The following PKHD1 variants were observed in gnomAD, a reference collection of about 807,000 sequenced individuals.
PKHD1 encodes PKHD1 ciliary IPT domain containing fibrocystin/polyductin.
Under a neutral mutation model 412.0 loss-of-function variants are expected in PKHD1, and 291 were observed. The observed-to-expected ratio is 0.71, with a 90% CI of 0.64 to 0.78. The LOEUF (loss-of-function observed/expected upper bound fraction) is 0.78. PKHD1 is among the 30% of genes least tolerant of loss of function. The pLI, the probability that PKHD1 is intolerant of heterozygous loss-of-function variation, is 0.00. For missense variants in PKHD1, 4,825 were observed against 4,950.7 expected (o/e 0.97, Z 0.76); for synonymous variants, 1,777 against 1,821.5 (o/e 0.98, Z 0.62).
chr6:51,695,606 T>C (rs1391862886), intron 60 of PKHD1, among the ~76,000 whole-genome samples: 1 of 152,186 alleles, frequency 6.6e-6, no homozygotes, highest in African/African-American at 2.4e-5. Flanking sequence ...TGAAGCAGTG[T>C]TGTGTTTACC....
chr6:51,757,694 T>C (rs968038790), intron 55 of PKHD1, among the ~76,000 whole-genome samples: 1 of 152,132 alleles, frequency 6.6e-6, no homozygotes, highest in Non-Finnish European at 1.5e-5. Flanking sequence ...TGTTCATTGA[T>C]ATTTAATAAA....
At chr6:52,019,921 T>C (rs935005901) in intron 33 of PKHD1, among the ~76,000 whole-genome samples, 3 of 152,190 alleles carry the variant, frequency 2.0e-5, no homozygotes, top group African/African-American at 7.2e-5. Flanking sequence ...AGCACATTTG[T>C]AGAGCCCCCT....
chr6:51,994,203 C>G (rs1210800849), intron 35 of PKHD1, among the ~76,000 whole-genome samples: 1 of 151,154 alleles, frequency 6.6e-6, no homozygotes, highest in Non-Finnish European at 1.5e-5. Flanking sequence ...GGCACTATCT[C>G]GGCTCACTGC....
At chr6:51,763,962 T>A (rs113512517) in intron 55 of PKHD1, among the ~76,000 whole-genome samples, 184 of 149,246 alleles carry the variant, frequency 1.2e-3, no homozygotes, top group East Asian at 3.8e-3. Flanking sequence ...TTTTTTTTTT[T>A]ATTATACTTT....
At chr6:51,856,152 T>C in intron 48 of PKHD1, 82 bp from the exon 49 acceptor site, 2 of 858,684 alleles carry the variant, frequency 2.3e-6, no homozygotes, top group Non-Finnish European at 4.0e-6. Context: ...CTTTCATCAA[T>C]TGCAATCATC....
At chr6:51,656,446 CA>C (rs1562034422) in intron 61 of PKHD1, among the ~76,000 whole-genome samples, 1 of 152,030 alleles carries the variant, frequency 6.6e-6, no homozygotes, top group Non-Finnish European at 1.5e-5. Flanking sequence ...CACCATGCCA[CA>C]TGCAAGAAGA....
chr6:51,868,517 C>T (rs1775451070), intron 47 of PKHD1, among the ~76,000 whole-genome samples: 1 of 152,050 alleles, frequency 6.6e-6, no homozygotes, highest in Admixed American at 6.6e-5. Flanking sequence ...TCCTACAATG[C>T]ACAGGACAAT....
intron 64 of PKHD1, among the ~76,000 whole-genome samples, chr6:51,634,002 T>C (rs889229187): frequency 1.7e-4 from 26 of 152,058 alleles, no homozygotes; most frequent in African/African-American, 5.8e-4. Flanking sequence ...ATGTATCAAA[T>C]GGTATGCTTT....
intron 35 of PKHD1, among the ~76,000 whole-genome samples, chr6:51,993,245 G>T (rs551991816): frequency 1.3e-5 from 2 of 152,336 alleles, no homozygotes; most frequent in Middle Eastern, 6.8e-3. Flanking sequence ...TGCCTGCTGG[G>T]TTGGTGATTC....
At chr6:52,027,105 C>T (rs1802305488) in intron 31 of PKHD1, among the ~76,000 whole-genome samples, 1 of 152,286 alleles carries the variant, frequency 6.6e-6, no homozygotes, top group East Asian at 1.9e-4. Context: ...AGTGAAGACC[C>T]GCAGATTCAA....
chr6:51,947,056 C>T (rs1362227813), intron 36 of PKHD1, among the ~76,000 whole-genome samples: 1 of 152,186 alleles, frequency 6.6e-6, no homozygotes, highest in Admixed American at 6.5e-5. Context: ...CTATCTTCAA[C>T]TCTTTTTCAT....
chr6:51,777,467 TA>T (rs1335283112), intron 53 of PKHD1, among the ~76,000 whole-genome samples: 3 of 151,988 alleles, frequency 2.0e-5, no homozygotes, highest in Non-Finnish European at 4.4e-5. Flanking sequence ...CTCCTCTGTG[TA>T]GGTAATGCCA....
At chr6:51,711,467 C>A (rs1424584354) in intron 60 of PKHD1, among the ~76,000 whole-genome samples, 2 of 152,194 alleles carry the variant, frequency 1.3e-5, no homozygotes, top group Non-Finnish European at 2.9e-5. Flanking sequence ...TATGCAGCAG[C>A]TAATATATTT....
intron 50 of PKHD1, among the ~76,000 whole-genome samples, chr6:51,841,709 C>T (rs1306342682): frequency 2.0e-5 from 3 of 152,258 alleles, no homozygotes; most frequent in Non-Finnish European, 4.4e-5. Context: ...TGATTCCGCT[C>T]TGCCTACAAA....
At chr6:51,979,841 T>G (rs1394171318) in intron 35 of PKHD1, among the ~76,000 whole-genome samples, 1 of 152,134 alleles carries the variant, frequency 6.6e-6, no homozygotes, top group Admixed American at 6.5e-5. Context: ...ATGCACGTGT[T>G]TTTTCTCTCC....
chr6:51,676,831 A>G (rs904844254), intron 60 of PKHD1, among the ~76,000 whole-genome samples: 9 of 152,176 alleles, frequency 5.9e-5, no homozygotes, highest in African/African-American at 2.2e-4. Context: ...ATAGAGAAAA[A>G]CTGTCTGCTT....
intron 50 of PKHD1, among the ~76,000 whole-genome samples, chr6:51,845,327 G>C (rs12215264): frequency 0.41 from 61,623 of 152,048 alleles, 13,687 homozygotes; most frequent in East Asian, 0.86. Context: ...CTCAGTTCCT[G>C]CTGAGTCCTC....
At chr6:51,733,199 G>A (rs1057254170) in intron 60 of PKHD1, among the ~76,000 whole-genome samples, 1 of 152,064 alleles carries the variant, frequency 6.6e-6, no homozygotes, top group Non-Finnish European at 1.5e-5. Context: ...AGTGATGGTT[G>A]CACAATACTA....
intron 23 of PKHD1, among the ~76,000 whole-genome samples, chr6:52,047,603 T>C (rs1806066171): frequency 6.6e-6 from 1 of 152,216 alleles, no homozygotes; most frequent in Non-Finnish European, 1.5e-5. Context: ...CTACATTTGT[T>C]GGGACCACTG....
Sources: allele counts gnomAD v4.1 joint callset (sites outside exome capture counted in the v4.1 genomes callset), GRCh38; gene constraint gnomAD v4.1.1; transcripts MANE v1.5; gene names NCBI Gene and HGNC (gene_info 2026-07-23, HGNC 2026-07-21).